The following PCDHGA2 variants were observed in gnomAD, a reference collection of about 807,000 sequenced individuals.
The protein encoded by PCDHGA2 is protocadherin gamma subfamily A, 2, also known as protocadherin gamma-A2.
Under a neutral mutation model 59.2 loss-of-function variants are expected in PCDHGA2, and 40 were observed. That is an observed-to-expected ratio of 0.68 (90% CI 0.52 to 0.88). The LOEUF (loss-of-function observed/expected upper bound fraction) is 0.88, where lower values mean the gene tolerates loss of function less well. Ranked by LOEUF, PCDHGA2 falls within the 40% of genes least tolerant of loss-of-function variation. PCDHGA2 has a pLI of 0.00. For synonymous variants in PCDHGA2, 560 were observed against 526.0 expected (o/e 1.06, Z -0.89); for missense variants, 1,226 against 1,204.0 (o/e 1.02, Z -0.27).
At chr5:141,484,795 C>G (rs1265916821) in intron 1 of PCDHGA2, among the ~76,000 whole-genome samples, 1 of 151,902 alleles carries the variant, frequency 6.6e-6, no homozygotes, top group Middle Eastern at 3.4e-3. Flanking sequence ...AGATAACAAC[C>G]CGTGGAAAAA....
At chr5:141,407,985 A>C in intron 1 of PCDHGA2, 6 of 789,616 alleles carry the variant, frequency 7.6e-6, no homozygotes, top group Non-Finnish European at 1.1e-5. Flanking sequence ...GGGATCCGTC[A>C]GCCTCTGGCC....
rs780328813 is a variant in PCDHGA2 at position 141,361,800 on chromosome 5, C to T, written c.2424+20405C>T. The T allele has an allele frequency of 5.6e-6, 9 of 1,613,078 alleles. No homozygotes were observed. The East Asian group carries it at 2.0e-4, about 36-fold the overall frequency. On this transcript the variant is annotated intron_variant, in intron 1 of 3. Coordinates refer to ENST00000394576, the MANE Select transcript of PCDHGA2 (RefSeq NM_018915.4). The stretch of plus-strand genomic sequence containing the variant: ...GCCTGCGCGTGTTAGTGGGCGACCT[C>T]AATGACAATGCGCCACGGGTGCTGT...
rs1561478928 is a variant in PCDHGA2 at position 141,339,031 on chromosome 5, G to A, written c.60G>A (p.Leu20=). 6.3e-7 allele frequency: 1 copy of A among 1,596,114 alleles called. No homozygotes were observed. Among genetic ancestry groups the A allele is most frequent in the Non-Finnish European group, 8.6e-7 (1 of 1,167,982 alleles). ...AGCTGGTCCTGCTGTGCTTCCTTTT[G>A]GCGACCCTGTGGGAGGCCAGGGCCG... ...CRKLVLLCFL[L]ATLWEARAGQ... The change falls in exon 1 of 4, where the codon TTG becomes TTA. Residue 20 remains leucine (L), a synonymous_variant. Coordinates refer to ENST00000394576, the MANE Select transcript of PCDHGA2 (RefSeq NM_018915.4).
intron 1 of PCDHGA2, among the ~76,000 whole-genome samples, chr5:141,474,644 C>G (rs1016496399): frequency 4.6e-5 from 7 of 152,180 alleles, no homozygotes; most frequent in Non-Finnish European, 1.0e-4. Flanking sequence ...CCTATATATC[C>G]TTACTTCTTT....
chr5:141,408,914 A>G lies in PCDHGA2; in HGVS notation c.2424+67519A>G, dbSNP rs776105035. ...AATTTCTGTCAAGGATACCAATGAT[A>G]ACCCCCCGGTTTTCAGCAGAGACGA... On this transcript the variant is annotated intron_variant, in intron 1 of 3. Coordinates refer to ENST00000394576, the MANE Select transcript of PCDHGA2 (RefSeq NM_018915.4). The G allele has an allele frequency of 1.2e-5, 20 of 1,613,446 alleles. No homozygotes were observed. The South Asian group carries it at 2.1e-4, about 17-fold the overall frequency.
At chr5:141,461,185 C>T (rs2154567265) in intron 1 of PCDHGA2, among the ~76,000 whole-genome samples, 1 of 152,134 alleles carries the variant, frequency 6.6e-6, no homozygotes, top group East Asian at 1.9e-4. Context: ...AATGGTAGAT[C>T]TGTTTTTTGC....
intron 1 of PCDHGA2, among the ~76,000 whole-genome samples, chr5:141,484,358 G>A (rs2099595185): frequency 6.6e-6 from 1 of 152,160 alleles, no homozygotes; most frequent in South Asian, 2.1e-4. Flanking sequence ...AGTGTATCTA[G>A]TGTATCACTA....
rs148641580 is a variant in PCDHGA2 at position 141,437,874 on chromosome 5, A to C, written c.2425-56933A>C. 3.9e-4 allele frequency among the ~76,000 whole-genome samples: 59 copies of C among 151,954 alleles called. 1 individual carries two copies. In the East Asian group the frequency reaches 5.8e-3, roughly 15 times the overall value. Reference sequence around the variant, plus strand: ...TGCCTTAGCCTCCCGAGTAGCTGGGACTACAGGCACACGCCACCACACCCA... The same window carrying C: ...TGCCTTAGCCTCCCGAGTAGCTGGGCCTACAGGCACACGCCACCACACCCA... On this transcript the variant is annotated intron_variant, in intron 1 of 3. Transcript: ENST00000394576.
At chr5:141,436,793 C>T (rs752376420) in intron 1 of PCDHGA2, among the ~76,000 whole-genome samples, 4 of 152,178 alleles carry the variant, frequency 2.6e-5, no homozygotes, top group Non-Finnish European at 5.9e-5. Flanking sequence ...TAAAACTGTT[C>T]TAAAATTTTT....
rs147534370 is a variant in PCDHGA2 at position 141,511,170 on chromosome 5, G to A, written c.2796G>A (p.Lys932=). ...AGAAGTCGGGCAAGAAGGAGAAGAA[G>A]TAACATGGAGGCCAGGCCAAGAGCC... ...NKKKSGKKEK[K] The change falls in exon 4 of 4, where the codon AAG becomes AAA. Residue 932 remains lysine (K), a synonymous_variant. Coordinates refer to ENST00000394576, the MANE Select transcript of PCDHGA2 (RefSeq NM_018915.4). 1.9e-6 allele frequency: 3 copies of A among 1,613,988 alleles called. No homozygotes were observed. The highest frequency in any genetic ancestry group is 2.5e-6 in the Non-Finnish European group (3 of 1,179,990).
intron 1 of PCDHGA2, chr5:141,423,228 C>T (rs1321708353): frequency 6.2e-7 from 1 of 1,613,748 alleles, no homozygotes; most frequent in Non-Finnish European, 8.5e-7. Flanking sequence ...CTGTGGCCGA[C>T]AGCATCCCCG....
At chr5:141,357,763 C>A in intron 1 of PCDHGA2, 1 of 1,007,524 alleles carries the variant, frequency 9.9e-7, no homozygotes, top group Non-Finnish European at 1.4e-6. Context: ...GGTGGATGAC[C>A]TTCCAATAAT....
At position 141,489,180 on chromosome 5, in the gene PCDHGA2, C is replaced by G. The variant is rs942218118; in HGVS notation, c.2425-5627C>G. On this transcript the variant is annotated intron_variant, in intron 1 of 3. Transcript: ENST00000394576. This position sits in a 1 kb window ranked among gnomAD's most constrained non-coding sequence, Gnocchi z 4.5. ...GACTTCAGCTGCTGCATTCCAAGCC[C>G]TGGGTCTACCTTGGAGACAGGACAG... The G allele has an allele frequency of 1.8e-5, 23 of 1,259,630 alleles. No homozygotes were observed. In the South Asian group the frequency reaches 3.0e-4, roughly 17 times the overall value. The allele number at this position is 1,259,630 out of a possible 1,614,324, so 78.0% of individuals were successfully genotyped here.
intron 1 of PCDHGA2, chr5:141,396,045 C>G (rs2093338007): frequency 6.6e-6 from 1 of 152,166 alleles, no homozygotes; most frequent in Non-Finnish European, 1.5e-5. Context: ...TATTTCAATA[C>G]AATTCCAATT....
At chr5:141,436,394 T>C (rs781428769) in intron 1 of PCDHGA2, among the ~76,000 whole-genome samples, 15 of 152,216 alleles carry the variant, frequency 9.9e-5, no homozygotes, top group Non-Finnish European at 1.9e-4. Flanking sequence ...CTTTATTAAA[T>C]AGTTGTTGAA....
At chr5:141,385,271 TG>T (rs777522853) in intron 1 of PCDHGA2, 313 of 1,614,076 alleles carry the variant, frequency 1.9e-4, no homozygotes, top group Non-Finnish European at 2.4e-4. Flanking sequence ...AATGATTCTT[TG>T]CTAACATCCG....
At chr5:141,355,272 G>A (rs1322283569) in intron 1 of PCDHGA2, 1 of 1,613,674 alleles carries the variant, frequency 6.2e-7, no homozygotes, top group Non-Finnish European at 8.5e-7. Flanking sequence ...GGGTTCTGGT[G>A]GAAATCAGGG....
At chr5:141,351,793 C>T (rs773058323) in intron 1 of PCDHGA2, 1 of 1,613,378 alleles carries the variant, frequency 6.2e-7, no homozygotes, top group South Asian at 1.1e-5. Flanking sequence ...GGGTGGTGTT[C>T]GCGCAGCGCG....
intron 1 of PCDHGA2, chr5:141,357,292 G>T: frequency 6.2e-7 from 1 of 1,613,972 alleles, no homozygotes; most frequent in African/African-American, 1.3e-5. Flanking sequence ...GGTGGCAGTG[G>T]CCGCTGTCTC....
Sources: allele counts gnomAD v4.1 joint callset (sites outside exome capture counted in the v4.1 genomes callset), GRCh38; gene constraint gnomAD v4.1.1; non-coding constraint Gnocchi (gnomAD v3.1); transcripts MANE v1.5; gene names NCBI Gene and HGNC (gene_info 2026-07-23, HGNC 2026-07-21).